SDR42E2: variants seen among roughly 807,000 people sequenced by gnomAD.
SDR42E2 encodes putative short-chain dehydrogenase/reductase family 42E member 2.
Under a neutral mutation model 10.5 loss-of-function variants are expected in SDR42E2, and 20 were observed. The observed-to-expected ratio is 1.90, with a 90% CI of 1.34 to 2.77. The LOEUF (loss-of-function observed/expected upper bound fraction) is 2.77. SDR42E2 is among the 30% of genes most tolerant of loss of function. The pLI, the probability that SDR42E2 is intolerant of heterozygous loss-of-function variation, is 0.00. For synonymous variants in SDR42E2, 72 were observed against 39.2 expected (o/e 1.84, Z -3.12); for missense variants, 162 against 104.2 (o/e 1.55, Z -2.42).
intron 8 of SDR42E2, among the ~76,000 whole-genome samples, chr16:22,180,353 T>C (rs969323746): frequency 5.9e-5 from 9 of 151,858 alleles, no homozygotes; most frequent in African/African-American, 9.7e-5. Flanking sequence ...TGAGCTATGA[T>C]TGCACCACTG....
intron 4 of SDR42E2, among the ~76,000 whole-genome samples, chr16:22,168,153 G>C (rs901297668): frequency 1.3e-5 from 2 of 152,098 alleles, no homozygotes; most frequent in African/African-American, 4.8e-5. Context: ...CCAGCACTTT[G>C]GGAGGCCAAG....
chr16:22,168,779 A>G (rs145802830), intron 4 of SDR42E2, among the ~76,000 whole-genome samples: 1 of 152,226 alleles, frequency 6.6e-6, no homozygotes, highest in African/African-American at 2.4e-5. Context: ...AGGCTGAGGC[A>G]GGAGAATCAT....
At chr16:22,169,864 C>A (rs2046580531) in intron 5 of SDR42E2, among the ~76,000 whole-genome samples, 1 of 151,682 alleles carries the variant, frequency 6.6e-6, no homozygotes, top group African/African-American at 2.4e-5. Flanking sequence ...AACCCCACCT[C>A]TACTAAAAAT....
chr16:22,189,565 C>A (rs2046756710), intron 12 of SDR42E2, among the ~76,000 whole-genome samples: 1 of 152,186 alleles, frequency 6.6e-6, no homozygotes, highest in African/African-American at 2.4e-5. Context: ...GGGCCCCAAG[C>A]CATCTGGCAG....
intron 7 of SDR42E2, among the ~76,000 whole-genome samples, chr16:22,177,909 C>A (rs1324808007): frequency 6.9e-6 from 1 of 144,822 alleles, no homozygotes; most frequent in African/African-American, 2.6e-5. Flanking sequence ...CAGGATCCAT[C>A]CAGGGTGGGG....
chr16:22,182,100 T>C (rs1598143175), intron 9 of SDR42E2, 112 bp from the exon 10 acceptor site: 1 of 412,288 alleles, frequency 2.4e-6, no homozygotes, highest in East Asian at 3.5e-5. Flanking sequence ...CCTCAGGTAT[T>C]GGAGCTGCTC....
intron 10 of SDR42E2, among the ~76,000 whole-genome samples, 195 bp downstream of exon 10, chr16:22,182,472 G>A (rs1039366901): frequency 1.3e-5 from 2 of 151,780 alleles, no homozygotes; most frequent in Non-Finnish European, 2.9e-5. Context: ...TCAGCCTCCC[G>A]AGTAGCTGGG....
chr16:22,184,795 C>G (rs894308152), intron 11 of SDR42E2, among the ~76,000 whole-genome samples: 2 of 152,110 alleles, frequency 1.3e-5, no homozygotes, highest in Non-Finnish European at 2.9e-5. Context: ...CACCCTAGTC[C>G]CACCTGCAAG....
At position 22,190,385 on chromosome 16, in the gene SDR42E2, C is replaced by G. The variant is rs2046764960; in HGVS notation, c.1261C>G (p.Arg421Gly). The G allele has an allele frequency of 2.5e-6, 1 of 401,530 alleles. No individual in the cohort carries two copies. The highest frequency in any genetic ancestry group is 4.4e-6 in the Non-Finnish European group (1 of 227,544). 24.9% of individuals were successfully genotyped at this position (401,530 alleles called of 1,614,324 possible). The part of the protein sequence containing the change: ...GLQPLHAAVE[R>G]L Reference sequence around the variant, plus strand: ...GCAGCCTCTGCACGCCGCCGTGGAGCGCCTGTGACCGTCCGCCGTCCGCCG... The same window carrying G: ...GCAGCCTCTGCACGCCGCCGTGGAGGGCCTGTGACCGTCCGCCGTCCGCCG... Residue 421 changes from arginine (R) to glycine (G), a missense_variant, in exon 13 of 13, where the codon CGC (arginine) becomes GGC (glycine). Transcript: ENST00000602312.
At chr16:22,174,875 A>C (rs139652729) in intron 7 of SDR42E2, among the ~76,000 whole-genome samples, 2 of 152,166 alleles carry the variant, frequency 1.3e-5, no homozygotes, top group Non-Finnish European at 2.9e-5. Flanking sequence ...GGTGACCCAG[A>C]GTTTAAAATT....
rs1218090150 is a variant in SDR42E2, at chr16:22,184,231, G to A, written c.927G>A (p.Trp309Ter). 2.5e-6 allele frequency: 1 copy of A among 401,282 alleles called. No individual in the cohort carries two copies. The highest frequency in any genetic ancestry group is 4.4e-6 in the Non-Finnish European group (1 of 226,338). 24.9% of individuals were successfully genotyped at this position (401,282 alleles called of 1,614,324 possible). A position where few individuals can be genotyped will look rare whatever the true frequency, so the allele number is the denominator to read the frequency against. Residue 309 changes from tryptophan (W) to a stop codon, truncating the protein, a stop_gained, in exon 11 of 13, where the codon TGG becomes TGA. Coordinates refer to ENST00000602312, the MANE Select transcript of SDR42E2 (RefSeq NM_001394319.2). LOFTEE classifies it high-confidence loss of function. Reference sequence around the variant, plus strand: ...CCTGGATCCAGGTGCCTACTTCCTGGGTTTACCTGACAGGTAAGGAAAGGA... The same window carrying A: ...CCTGGATCCAGGTGCCTACTTCCTGAGTTTACCTGACAGGTAAGGAAAGGA... ...SQPWIQVPTS[W>*]VYLTAAVMER...
rs1303870796 is a variant in SDR42E2, at chr16:22,190,438, T to A, written c.*45T>A. On this transcript the variant is annotated 3_prime_UTR_variant, in exon 13 of 13. Transcript: ENST00000602312. ...CGCTAGGGTCGGCCCCGCTGCACCC[T>A]CGCCCACGCCCGGCTCCCTGGGCTT... The A allele has an allele frequency of 1.2e-5, 5 of 400,868 alleles. No homozygotes were observed. Among genetic ancestry groups the A allele is most frequent in the Non-Finnish European group, 2.2e-5 (5 of 227,238 alleles). The allele number at this position is 400,868 out of a possible 1,614,324, so 24.8% of individuals were successfully genotyped here. A position where few individuals can be genotyped will look rare whatever the true frequency, so the allele number is the denominator to read the frequency against.
At chr16:22,184,272 C>A (rs774936406) in intron 11 of SDR42E2, 28 bp downstream of exon 11, 2 of 400,948 alleles carry the variant, frequency 5.0e-6, no homozygotes, top group African/African-American at 2.1e-5. Flanking sequence ...CGTAGTAAAG[C>A]CCTCCATGTG....
In SDR42E2 at chr16:22,167,102, G is replaced by A. The variant is rs568139890; in HGVS notation, c.336+103G>A. ...TCCCTATCATGCTTCACCTATTATA[G>A]GAGGGACTTGGGCTACTCCCACCCT... On this transcript the variant is annotated intron_variant, in intron 4 of 12. Transcript: ENST00000602312. The A allele has an allele frequency of 9.6e-6, 5 of 520,842 alleles. No individual in the cohort carries two copies. In the East Asian group the frequency reaches 1.7e-4, roughly 17 times the overall value. 32.3% of individuals were successfully genotyped at this position (520,842 alleles called of 1,614,324 possible). A position where few individuals can be genotyped will look rare whatever the true frequency, so the allele number is the denominator to read the frequency against.
intron 2 of SDR42E2, among the ~76,000 whole-genome samples, chr16:22,165,981 T>TACCTGGGCCAGGAGCTGGGTCC (rs2046533722): frequency 6.8e-6 from 1 of 146,712 alleles, no homozygotes; most frequent in African/African-American, 2.5e-5. Context: ...GAGCTGGGTC[T>TACCTGGGCCAGGAGCTGGGTCC]GTACCTGGAC....
At chr16:22,170,133 T>A (rs1438221818) in intron 5 of SDR42E2, among the ~76,000 whole-genome samples, 1 of 152,084 alleles carries the variant, frequency 6.6e-6, no homozygotes, top group Non-Finnish European at 1.5e-5. Context: ...GGCAGGTGGA[T>A]CACCTGAGGT....
chr16:22,183,121 G>A (rs1041783385), intron 10 of SDR42E2, among the ~76,000 whole-genome samples: 3 of 151,862 alleles, frequency 2.0e-5, no homozygotes, highest in African/African-American at 4.8e-5. Flanking sequence ...GCTTCCAGGC[G>A]TTTGTTTTGT....
intron 12 of SDR42E2, among the ~76,000 whole-genome samples, chr16:22,188,215 G>C (rs933637891): frequency 1.7e-5 from 2 of 119,228 alleles, no homozygotes; most frequent in East Asian, 1.7e-3. Context: ...TTGAGCACTA[G>C]GAAAATTATT....
intron 1 of SDR42E2, among the ~76,000 whole-genome samples, chr16:22,164,687 C>A (rs1567235585): frequency 6.6e-6 from 1 of 152,170 alleles, no homozygotes; most frequent in South Asian, 2.1e-4. Context: ...CCTTGGAGGA[C>A]CAGAGGCGTC....
Sources: allele counts gnomAD v4.1 joint callset (sites outside exome capture counted in the v4.1 genomes callset), GRCh38; gene constraint gnomAD v4.1.1; transcripts MANE v1.5; gene names NCBI Gene and HGNC (gene_info 2026-07-23, HGNC 2026-07-21).